The following TMPRSS11D variants were observed in gnomAD, a reference collection of about 807,000 sequenced individuals.
The protein encoded by TMPRSS11D is transmembrane protease serine 11D.
In TMPRSS11D, 32 loss-of-function variants were observed where a neutral mutation model predicts 44.4. The ratio of observed to expected loss-of-function variants is 0.72; its 90% CI spans 0.54 to 0.97. The LOEUF is 0.97. TMPRSS11D is among the 50% of genes least tolerant of loss of function. The pLI is 0.00. For synonymous variants in TMPRSS11D, 179 were observed against 177.9 expected, an observed-to-expected ratio of 1.01 and a Z score of -0.05; for missense variants, 446 against 502.6, an observed-to-expected ratio of 0.89 and a Z score of 1.08.
intron 3 of TMPRSS11D, among the ~76,000 whole-genome samples, chr4:67,851,492 C>T (rs1182459924): frequency 2.0e-5 from 3 of 152,160 alleles, no homozygotes; most frequent in Non-Finnish European, 4.4e-5. Context: ...TTGCTGTCCT[C>T]CACTGAGGGA....
intron 7 of TMPRSS11D, 110 bp from the exon 8 acceptor site, chr4:67,827,630 A>G: frequency 8.4e-7 from 1 of 1,188,976 alleles, no homozygotes; most frequent in Non-Finnish European, 1.1e-6. Context: ...TTGGATCCAC[A>G]TCTCTTTGCT....
At chr4:67,824,137 G>T (rs1203681844) in intron 9 of TMPRSS11D, among the ~76,000 whole-genome samples, 2 of 143,772 alleles carry the variant, frequency 1.4e-5, no homozygotes, top group African/African-American at 2.5e-5. Context: ...AAAGTGCTGT[G>T]TTTTTTTTTT....
intron 3 of TMPRSS11D, among the ~76,000 whole-genome samples, chr4:67,844,977 A>T (rs1170297926): frequency 6.6e-6 from 1 of 152,176 alleles, no homozygotes. Flanking sequence ...CTTTAATCGA[A>T]GTAGAAAAAA....
intron 8 of TMPRSS11D, 60 bp downstream of exon 8, chr4:67,827,201 A>G: frequency 1.3e-6 from 2 of 1,528,786 alleles, no homozygotes; most frequent in Admixed American, 2.2e-5. Context: ...AATTTAAAAA[A>G]TTACCTAATA....
intron 3 of TMPRSS11D, among the ~76,000 whole-genome samples, chr4:67,853,796 A>G (rs1718564809): frequency 6.6e-6 from 1 of 152,266 alleles, no homozygotes; most frequent in Non-Finnish European, 1.5e-5. Context: ...AATTAAACAA[A>G]TAAAAAACTT....
chr4:67,862,954 TAA>T (rs1197757314), intron 1 of TMPRSS11D, among the ~76,000 whole-genome samples: 1 of 151,650 alleles, frequency 6.6e-6, no homozygotes, highest in Non-Finnish European at 1.5e-5. Flanking sequence ...ATACCTAATG[TAA>T]ATGACGAGTT....
At chr4:67,879,580 AG>A (rs930183449) in intron 1 of TMPRSS11D, among the ~76,000 whole-genome samples, 105 of 152,200 alleles carry the variant, frequency 6.9e-4, no homozygotes, top group African/African-American at 2.4e-3. Flanking sequence ...GCAAAAAACC[AG>A]GAAAGAATGG....
chr4:67,870,813 CA>C (rs11318143), intron 1 of TMPRSS11D, among the ~76,000 whole-genome samples: 70,105 of 133,696 alleles, frequency 0.52, 19,631 homozygotes, highest in East Asian at 0.86. Flanking sequence ...GACCCTGTCT[CA>C]AAAAAAAAAA....
chr4:67,832,475 G>A (rs149182248), intron 7 of TMPRSS11D, among the ~76,000 whole-genome samples: 19 of 151,780 alleles, frequency 1.3e-4, no homozygotes, highest in African/African-American at 2.9e-4. Flanking sequence ...CAACCTACTC[G>A]CCACTGGTAG....
chr4:67,882,026 G>A (rs1471895150), intron 1 of TMPRSS11D, among the ~76,000 whole-genome samples: 2 of 152,118 alleles, frequency 1.3e-5, no homozygotes, highest in Non-Finnish European at 2.9e-5. Context: ...AGTGACCAAG[G>A]ATCTGAAATG....
intron 3 of TMPRSS11D, among the ~76,000 whole-genome samples, chr4:67,850,825 T>G (rs951828189): frequency 6.6e-6 from 1 of 152,204 alleles, no homozygotes; most frequent in Admixed American, 6.5e-5. Context: ...GCCTGACATT[T>G]TTAGCATTCA....
chr4:67,881,524 A>G (rs186507099), intron 1 of TMPRSS11D, among the ~76,000 whole-genome samples: 76 of 152,332 alleles, frequency 5.0e-4, no homozygotes, highest in African/African-American at 1.8e-3. Flanking sequence ...ATGACTGTAA[A>G]TACAAATTGG....
intron 2 of TMPRSS11D, among the ~76,000 whole-genome samples, chr4:67,857,302 TATATATATATATATATATATAC>T (rs1307388316): frequency 7.1e-4 from 26 of 36,682 alleles, no homozygotes; most frequent in African/African-American, 6.0e-3. Flanking sequence ...TATATATATA[TATATATATATATATATATATAC>T]ACACACACAC....
chr4:67,825,930 C>T, intron 8 of TMPRSS11D, 56 bp from the exon 9 acceptor site: 1 of 1,467,474 alleles, frequency 6.8e-7, no homozygotes, highest in South Asian at 1.5e-5. Flanking sequence ...CATTATTGAC[C>T]CTATAATAAA....
Position 67,822,389 on chromosome 4 carries a change from T to C in TMPRSS11D, c.1205A>G (p.Tyr402Cys), listed in dbSNP as rs200133015. Residue 402 changes from tyrosine (Y) to cysteine (C), a missense_variant, in exon 10 of 10, where the codon TAT becomes TGT. Tyr to Cys is a radical substitution (Grantham distance 194, BLOSUM62 -2). Coordinates refer to ENST00000283916, the MANE Select transcript of TMPRSS11D (RefSeq NM_004262.3). ...GTCAAGGTAGGCTGTCACTCGAGTA[T>C]ACACTCCTGGCTTATCCGGCAGGCC... ...QCGLPDKPGV[Y>C]TRVTAYLDWI... 2 of 1,613,850 alleles carry C rather than the reference T, an allele frequency of 1.2e-6. No individual in the cohort carries two copies. Among genetic ancestry groups the C allele is most frequent in the Non-Finnish European group, 1.7e-6 (2 of 1,179,862 alleles).
intron 1 of TMPRSS11D, among the ~76,000 whole-genome samples, chr4:67,865,154 C>A (rs1376593115): frequency 9.9e-5 from 15 of 151,594 alleles, no homozygotes; most frequent in African/African-American, 3.6e-4. Flanking sequence ...AAATCAAAAT[C>A]ATATTTGATA....
intron 7 of TMPRSS11D, among the ~76,000 whole-genome samples, chr4:67,830,397 G>C (rs1313991753): frequency 6.6e-6 from 1 of 151,876 alleles, no homozygotes; most frequent in Non-Finnish European, 1.5e-5. Flanking sequence ...TGATGTGGAG[G>C]GCTGATTAAC....
At chr4:67,864,193 C>G (rs777174930) in intron 1 of TMPRSS11D, among the ~76,000 whole-genome samples, 1 of 151,912 alleles carries the variant, frequency 6.6e-6, no homozygotes, top group Non-Finnish European at 1.5e-5. Context: ...ACCGATTTAC[C>G]TATTTCACTT....
chr4:67,856,879 A>G (rs1028162541), intron 2 of TMPRSS11D, among the ~76,000 whole-genome samples: 1 of 152,198 alleles, frequency 6.6e-6, no homozygotes, highest in Non-Finnish European at 1.5e-5. Context: ...GGTACATGAA[A>G]AAATGCTCAA....
Sources: gnomAD v4.1 joint callset for allele counts (sites outside exome capture counted in the v4.1 genomes callset) on GRCh38, gnomAD v4.1.1 for gene constraint, MANE v1.5 for transcripts, NCBI Gene and HGNC (gene_info 2026-07-23, HGNC 2026-07-21) for gene names.